Variants in MAGI1 observed in about 807,000 individuals in gnomAD.
The protein encoded by MAGI1 is membrane associated guanylate kinase, WW and PDZ domain containing 1, also known as membrane-associated guanylate kinase, WW and PDZ domain-containing protein 1.
MAGI1 carries 58 observed loss-of-function variants against 139.9 expected under a neutral mutation model. The observed-to-expected ratio is 0.41, with a 90% CI of 0.34 to 0.52. The LOEUF (loss-of-function observed/expected upper bound fraction) is 0.52, where lower values mean the gene tolerates loss of function less well. MAGI1 is among the 20% of genes least tolerant of loss of function. The pLI is 0.12. For synonymous variants in MAGI1, 812 were observed against 737.9 expected (o/e 1.10, Z -1.63); for missense variants, 1,874 against 1,901.6 (o/e 0.99, Z 0.27).
intron 1 of MAGI1, among the ~76,000 whole-genome samples, chr3:65,871,070 C>G (rs1189250822): frequency 6.6e-6 from 1 of 152,052 alleles, no homozygotes; most frequent in Non-Finnish European, 1.5e-5. Flanking sequence ...TCCTGAGAAG[C>G]TGGAACTACA....
intron 1 of MAGI1, among the ~76,000 whole-genome samples, chr3:65,913,151 C>T (rs1305560790): frequency 6.6e-6 from 1 of 152,046 alleles, no homozygotes; most frequent in Non-Finnish European, 1.5e-5. Context: ...ATCCCAGATA[C>T]TCAGCAGGCT....
At chr3:65,819,707 T>C (rs772402984) in intron 1 of MAGI1, among the ~76,000 whole-genome samples, 18 of 151,212 alleles carry the variant, frequency 1.2e-4, no homozygotes, top group Non-Finnish European at 2.1e-4. Context: ...TGAAACCTAG[T>C]CTTTACTAAA....
At chr3:65,782,419 G>A (rs1286947776) in intron 1 of MAGI1, among the ~76,000 whole-genome samples, 1 of 152,024 alleles carries the variant, frequency 6.6e-6, no homozygotes, top group African/African-American at 2.4e-5. Context: ...GTGACAACTT[G>A]GTTTTAGCCC....
At chr3:65,646,720 C>A (rs2085285998) in intron 1 of MAGI1, among the ~76,000 whole-genome samples, 1 of 151,448 alleles carries the variant, frequency 6.6e-6, no homozygotes, top group Non-Finnish European at 1.5e-5. Context: ...TAGAAGAGAA[C>A]CAAACTAGAA....
rs35498262 is a variant in MAGI1, at chr3:65,912,236, C to CAAAAA, written c.313+125755_313+125759dup. Among the ~76,000 whole-genome samples, 75 of 130,960 alleles carry CAAAAA rather than the reference C, an allele frequency of 5.7e-4. 1 individual carries two copies. Among genetic ancestry groups the CAAAAA allele is most frequent in the Non-Finnish European group, 7.7e-4 (47 of 60,864 alleles). 85.9% of individuals were successfully genotyped at this position (130,960 alleles called of 152,430 possible). ...TGGAAAACAAAGAAAACTCTGATCT[C>CAAAAA]AAAAAAAAAAAAAAAAGAGTTCTGC... On this transcript the variant is annotated intron_variant, in intron 1 of 22. Transcript: ENST00000402939.
rs1033617536 is a variant in MAGI1 at position 65,430,786 on chromosome 3, C to G, written c.1459G>C (p.Val487Leu). ...KSSRGFGFTV[V>L]GGDEPDEFLQ... Reference sequence around the variant, plus strand: ...AACTCATCAGGTTCATCCCCTCCAACCACCGTGAAGCCAAAGCCACGACTG... The same window carrying G: ...AACTCATCAGGTTCATCCCCTCCAAGCACCGTGAAGCCAAAGCCACGACTG... Residue 487 changes from valine to leucine, a missense_variant, in exon 11 of 23, where the codon GTT (valine) becomes CTT (leucine). This residue lies in a region of MAGI1 where 86 missense variants were observed against 130.0 expected (regional missense o/e 0.66). Transcript: ENST00000402939. The G allele has an allele frequency of 6.2e-7, 1 of 1,613,772 alleles. No individual in the cohort carries two copies. Among genetic ancestry groups the G allele is most frequent in the African/African-American group, 1.3e-5 (1 of 75,018 alleles).
intron 1 of MAGI1, among the ~76,000 whole-genome samples, chr3:65,650,234 C>T (rs1437502038): frequency 6.6e-6 from 1 of 152,176 alleles, no homozygotes; most frequent in Non-Finnish European, 1.5e-5. Flanking sequence ...GCCTCTGGAA[C>T]TATGATAAAT....
intron 1 of MAGI1, among the ~76,000 whole-genome samples, chr3:65,691,833 G>A (rs2088688863): frequency 6.6e-6 from 1 of 152,154 alleles, no homozygotes; most frequent in African/African-American, 2.4e-5. Context: ...AAAAGGCATG[G>A]CTAACTGGAC....
chr3:65,479,118 T>C (rs1366558468), intron 3 of MAGI1, among the ~76,000 whole-genome samples: 1 of 152,144 alleles, frequency 6.6e-6, no homozygotes, highest in Non-Finnish European at 1.5e-5. Context: ...TTTTTACATA[T>C]ATGCACCAGC....
intron 1 of MAGI1, among the ~76,000 whole-genome samples, chr3:65,947,208 G>GT (rs1162377832): frequency 6.6e-6 from 1 of 152,126 alleles, no homozygotes; most frequent in Non-Finnish European, 1.5e-5. Flanking sequence ...AATTGTATTG[G>GT]TAAGCCATAG....
Position 65,478,691 on chromosome 3 carries a change from T to C in MAGI1, c.658A>G (p.Lys220Glu), listed in dbSNP as rs1235402315. ...LQSGSKQSTP[K>E]RTKSYNDMQN... ...ATATCATTGTAGGACTTGGTTCGCT[T>C]CGGGGTCGACTGCTTAGAGCCAGAC... Residue 220 changes from lysine to glutamate, a missense_variant, in exon 4 of 23, where the codon AAG becomes GAG. By Grantham distance (56) the Lys-to-Glu change is moderately conservative (BLOSUM62 1). Transcript: ENST00000402939. 6.2e-7 allele frequency: 1 copy of C among 1,614,112 alleles called. No homozygotes were observed. The highest frequency in any genetic ancestry group is 1.1e-5 in the South Asian group (1 of 91,086).
intron 5 of MAGI1, among the ~76,000 whole-genome samples, chr3:65,464,770 A>G (rs1950062233): frequency 6.6e-6 from 1 of 151,950 alleles, no homozygotes; most frequent in Non-Finnish European, 1.5e-5. Flanking sequence ...AAATGTAGTT[A>G]TTGATATGTT....
intron 11 of MAGI1, 142 bp downstream of exon 11, chr3:65,430,557 C>T: frequency 1.2e-6 from 1 of 814,212 alleles, no homozygotes; most frequent in Non-Finnish European, 1.9e-6. Context: ...CTGGCTCATT[C>T]TCAAGGTGTT....
At chr3:65,856,796 T>C (rs1199724059) in intron 1 of MAGI1, among the ~76,000 whole-genome samples, 1 of 152,186 alleles carries the variant, frequency 6.6e-6, no homozygotes, top group Non-Finnish European at 1.5e-5. Flanking sequence ...CAACGGTCTC[T>C]TGGCTCCAGC....
chr3:65,481,067 A>T (rs971720056), intron 3 of MAGI1, among the ~76,000 whole-genome samples: 2 of 152,140 alleles, frequency 1.3e-5, no homozygotes, highest in Admixed American at 1.3e-4. Flanking sequence ...ATCACGTTCA[A>T]ATTTGAAGGG....
At chr3:65,734,196 T>C (rs2034473455) in intron 1 of MAGI1, among the ~76,000 whole-genome samples, 1 of 152,104 alleles carries the variant, frequency 6.6e-6, no homozygotes, top group Non-Finnish European at 1.5e-5. Flanking sequence ...GACTCACACC[T>C]GTAATCTCAG....
At chr3:65,750,886 A>C (rs142474440) in intron 1 of MAGI1, among the ~76,000 whole-genome samples, 2,501 of 152,370 alleles carry the variant, frequency 0.016, 25 homozygotes, top group Non-Finnish European at 0.028. Flanking sequence ...GCAGGAAAAG[A>C]AAGAATATTA....
At chr3:65,969,146 G>A (rs537462954) in intron 1 of MAGI1, among the ~76,000 whole-genome samples, 2 of 152,298 alleles carry the variant, frequency 1.3e-5, no homozygotes, top group South Asian at 2.1e-4. Flanking sequence ...GGAGAACAAG[G>A]GAAGTGAAGA....
chr3:65,959,845 G>T (rs7620034), intron 1 of MAGI1, among the ~76,000 whole-genome samples: 1 of 111,120 alleles, frequency 9.0e-6, no homozygotes, highest in African/African-American at 3.5e-5. Flanking sequence ...TCACTCTGTC[G>T]CCCAGGCTGG....
Sources: allele counts gnomAD v4.1 joint callset (sites outside exome capture counted in the v4.1 genomes callset), GRCh38; gene constraint gnomAD v4.1.1; regional missense constraint gnomAD v4.1.1; transcripts MANE v1.5; gene names NCBI Gene and HGNC (gene_info 2026-07-23, HGNC 2026-07-21).